LRP1B: variants seen among roughly 807,000 people sequenced by gnomAD.
The protein encoded by LRP1B is low-density lipoprotein receptor-related protein 1B.
LRP1B carries 217 observed loss-of-function variants against 556.6 expected under a neutral mutation model. That is an observed-to-expected ratio of 0.39 (90% CI 0.35 to 0.44). The LOEUF (loss-of-function observed/expected upper bound fraction) is 0.44. Ranked by LOEUF, LRP1B falls within the 20% of genes least tolerant of loss-of-function variation. The probability of loss-of-function intolerance (pLI) is 1.00; values close to 1 mark genes in which losing one functional copy is unlikely to be tolerated. For synonymous variants in LRP1B, 2,047 were observed against 1,865.8 expected (o/e 1.10, Z -2.50); for missense variants, 5,053 against 5,620.8 (o/e 0.90, Z 3.23).
At chr2:140,966,278 T>C (rs1176626812) in intron 18 of LRP1B, among the ~76,000 whole-genome samples, 8 of 152,220 alleles carry the variant, frequency 5.3e-5, no homozygotes, top group African/African-American at 1.4e-4. Context: ...CTCATTGTGG[T>C]TTTGATTTGC....
At chr2:141,899,718 TAAATG>T (rs1024504017) in intron 1 of LRP1B, among the ~76,000 whole-genome samples, 8 of 152,082 alleles carry the variant, frequency 5.3e-5, no homozygotes, top group African/African-American at 1.9e-4. Context: ...AAATCACAAG[TAAATG>T]AAACAGAAGG....
intron 18 of LRP1B, among the ~76,000 whole-genome samples, chr2:140,958,188 TAACA>T (rs1241267847): frequency 2.0e-5 from 3 of 151,456 alleles, no homozygotes; most frequent in African/African-American, 7.3e-5. Flanking sequence ...TCAGCAGACC[TAACA>T]AACAACAGGA....
At position 141,032,317 on chromosome 2, in the gene LRP1B, A is replaced by G. The variant is rs1336844961; in HGVS notation, c.1790-12215T>C. ...TGTTTCCAATTTATGATTACAAATA[A>G]TGTGTCTTTTTGAACATGTGTATAC... is the stretch of plus-strand genomic sequence containing the variant. On this transcript the variant is annotated intron_variant, in intron 11 of 90. Transcript: ENST00000389484. 2.2e-4 allele frequency among the ~76,000 whole-genome samples: 33 copies of G among 152,118 alleles called. 1 individual carries two copies. Among genetic ancestry groups the G allele is most frequent in the Admixed American group, 2.2e-3 (33 of 15,270 alleles).
chr2:140,464,435 A>C (rs1687457509), intron 60 of LRP1B, among the ~76,000 whole-genome samples: 1 of 152,126 alleles, frequency 6.6e-6, no homozygotes, highest in Non-Finnish European at 1.5e-5. Context: ...ATTGCTTATA[A>C]TAGAAGGTCA....
At chr2:140,462,355 CAG>C (rs1266109220) in intron 60 of LRP1B, among the ~76,000 whole-genome samples, 2 of 152,038 alleles carry the variant, frequency 1.3e-5, no homozygotes, top group Non-Finnish European at 2.9e-5. Flanking sequence ...ATGATAGTTG[CAG>C]AGAGTTTAAT....
At chr2:140,718,837 G>C (rs550419134) in intron 35 of LRP1B, among the ~76,000 whole-genome samples, 1 of 150,934 alleles carries the variant, frequency 6.6e-6, no homozygotes, top group East Asian at 1.9e-4. Context: ...ATATTCTTCA[G>C]TACAAGAGTC....
chr2:141,949,492 G>A (rs1212168382), intron 1 of LRP1B, among the ~76,000 whole-genome samples: 2 of 152,146 alleles, frequency 1.3e-5, no homozygotes, highest in African/African-American at 4.8e-5. Context: ...CTGGGTTCAA[G>A]CAATTCTCTG....
At chr2:140,412,661 A>G (rs1292260181) in intron 66 of LRP1B, among the ~76,000 whole-genome samples, 1 of 152,026 alleles carries the variant, frequency 6.6e-6, no homozygotes, top group Non-Finnish European at 1.5e-5. Context: ...TCTCTCAACA[A>G]CTCTATGATA....
At chr2:141,740,587 A>T (rs1011890253) in intron 2 of LRP1B, among the ~76,000 whole-genome samples, 5 of 152,184 alleles carry the variant, frequency 3.3e-5, no homozygotes, top group Non-Finnish European at 5.9e-5. Flanking sequence ...TGTGTTACAA[A>T]CTGTCCAATT....
intron 3 of LRP1B, among the ~76,000 whole-genome samples, chr2:141,424,639 A>G (rs913846819): frequency 5.3e-5 from 8 of 152,218 alleles, no homozygotes; most frequent in Non-Finnish European, 1.0e-4. Flanking sequence ...ATGTATTTAA[A>G]TGCTCCCATA....
At chr2:141,364,284 C>CAT (rs996622147) in intron 3 of LRP1B, among the ~76,000 whole-genome samples, 1 of 151,674 alleles carries the variant, frequency 6.6e-6, no homozygotes, top group African/African-American at 2.4e-5. Context: ...CACACACACA[C>CAT]ACACACACAC....
chr2:140,811,821 A>G (rs1268473640), intron 32 of LRP1B, among the ~76,000 whole-genome samples: 1 of 152,148 alleles, frequency 6.6e-6, no homozygotes, highest in African/African-American at 2.4e-5. Flanking sequence ...AAAATAACCT[A>G]TTTGTCAAGT....
At chr2:140,328,613 T>C (rs1017095853) in intron 79 of LRP1B, among the ~76,000 whole-genome samples, 3 of 152,076 alleles carry the variant, frequency 2.0e-5, no homozygotes, top group African/African-American at 7.2e-5. Context: ...TCTGTTTTAA[T>C]GGAAAGCCAA....
intron 1 of LRP1B, among the ~76,000 whole-genome samples, chr2:141,954,638 T>C (rs2105041397): frequency 6.6e-6 from 1 of 152,242 alleles, no homozygotes; most frequent in South Asian, 2.1e-4. Context: ...AACATGTATG[T>C]TATGTATTGT....
intron 41 of LRP1B, among the ~76,000 whole-genome samples, chr2:140,685,936 G>A (rs1038322334): frequency 5.3e-5 from 8 of 152,092 alleles, no homozygotes; most frequent in Admixed American, 5.2e-4. Flanking sequence ...CAGCACACAT[G>A]ACAAGTTCTG....
At chr2:140,358,302 GTTTAC>G (rs1468878374) in intron 73 of LRP1B, among the ~76,000 whole-genome samples, 186 bp from the exon 74 acceptor site, 6 of 151,508 alleles carry the variant, frequency 4.0e-5, no homozygotes, top group Non-Finnish European at 7.4e-5. Flanking sequence ...GTAACTGTGT[GTTTAC>G]TTTAAGTAAA....
intron 1 of LRP1B, among the ~76,000 whole-genome samples, chr2:142,130,304 G>A (rs1262951351): frequency 2.0e-5 from 3 of 152,220 alleles, no homozygotes; most frequent in African/African-American, 7.2e-5. Flanking sequence ...GGCCATCGCG[G>A]AGGGAAGTCT....
intron 3 of LRP1B, among the ~76,000 whole-genome samples, chr2:141,381,614 A>C (rs1689645385): frequency 6.6e-6 from 1 of 152,092 alleles, no homozygotes; most frequent in Non-Finnish European, 1.5e-5. Flanking sequence ...TCACAAGTTA[A>C]AAAGAAAAAA....
At chr2:140,297,700 T>C (rs2104999908) in intron 84 of LRP1B, 108 bp downstream of exon 84, 2 of 1,272,970 alleles carry the variant, frequency 1.6e-6, no homozygotes, top group East Asian at 2.4e-5. Flanking sequence ...AGACTGAACC[T>C]GAAAAATAGA....
Sources: gnomAD v4.1 joint callset for allele counts (sites outside exome capture counted in the v4.1 genomes callset) on GRCh38, gnomAD v4.1.1 for gene constraint, MANE v1.5 for transcripts, NCBI Gene and HGNC (gene_info 2026-07-23, HGNC 2026-07-21) for gene names.